Variants in FAM13A observed in about 807,000 individuals in gnomAD.
FAM13A encodes the protein family with sequence similarity 13 member A.
Under a neutral mutation model 129.6 loss-of-function variants are expected in FAM13A, and 76 were observed. The observed-to-expected ratio is 0.59, with a 90% CI of 0.49 to 0.71. The LOEUF (loss-of-function observed/expected upper bound fraction) is 0.71. Ranked by LOEUF, FAM13A falls within the 30% of genes least tolerant of loss-of-function variation. FAM13A has a pLI of 0.00. For synonymous variants in FAM13A, 443 were observed against 449.9 expected (o/e 0.98, Z 0.20); for missense variants, 1,108 against 1,249.3 (o/e 0.89, Z 1.70).
chr4:88,777,784 T>G (rs1266833229), intron 11 of FAM13A, among the ~76,000 whole-genome samples: 1 of 152,194 alleles, frequency 6.6e-6, no homozygotes, highest in Non-Finnish European at 1.5e-5. Flanking sequence ...CATCTTCTCC[T>G]GAAAATGGCT....
intron 11 of FAM13A, among the ~76,000 whole-genome samples, chr4:88,771,862 C>T (rs1329695592): frequency 6.6e-6 from 1 of 152,094 alleles, no homozygotes; most frequent in African/African-American, 2.4e-5. Flanking sequence ...GTCAGAGGAA[C>T]TAAATTTTAA....
At chr4:88,732,314 C>A in intron 21 of FAM13A, 116 bp from the exon 22 acceptor site, 1 of 690,646 alleles carries the variant, frequency 1.4e-6, no homozygotes. Context: ...TCTTCTGTAT[C>A]TACATTTAGC....
intron 7 of FAM13A, among the ~76,000 whole-genome samples, chr4:88,839,162 C>A (rs952053570): frequency 6.6e-6 from 1 of 152,096 alleles, no homozygotes; most frequent in Non-Finnish European, 1.5e-5. Flanking sequence ...CACTTAGAAA[C>A]TCCTTTCCAG....
chr4:89,046,402 A>G (rs1381208987), intron 1 of FAM13A, among the ~76,000 whole-genome samples: 2 of 152,332 alleles, frequency 1.3e-5, no homozygotes, highest in Non-Finnish European at 2.9e-5. Flanking sequence ...ACATGGAGAC[A>G]CGTTTTAAGA....
intron 6 of FAM13A, among the ~76,000 whole-genome samples, chr4:88,854,356 T>C (rs1738129622): frequency 6.6e-6 from 1 of 152,170 alleles, no homozygotes; most frequent in African/African-American, 2.4e-5. Context: ...CCAACAGCCT[T>C]ACCGTAATAA....
At chr4:88,825,836 AAAATT>A (rs976703278) in intron 7 of FAM13A, among the ~76,000 whole-genome samples, 3 of 152,178 alleles carry the variant, frequency 2.0e-5, no homozygotes, top group African/African-American at 7.2e-5. Context: ...TTTTTTTAAA[AAAATT>A]AATTAATGCT....
intron 8 of FAM13A, among the ~76,000 whole-genome samples, chr4:88,791,756 T>G (rs1004730089): frequency 2.0e-5 from 3 of 152,128 alleles, no homozygotes; most frequent in African/African-American, 2.4e-5. Flanking sequence ...AATATGTTGC[T>G]TGGGAATCAT....
chr4:88,949,288 G>C (rs968089662), intron 4 of FAM13A, among the ~76,000 whole-genome samples: 7 of 152,130 alleles, frequency 4.6e-5, no homozygotes, highest in Admixed American at 4.6e-4. Context: ...TACAACGATT[G>C]TTCACCCAAG....
chr4:88,973,052 A>G (rs1760350324), intron 4 of FAM13A, among the ~76,000 whole-genome samples: 1 of 151,954 alleles, frequency 6.6e-6, no homozygotes, highest in Non-Finnish European at 1.5e-5. Context: ...TTGCTCCTCT[A>G]TAGGTAAAGT....
intron 6 of FAM13A, among the ~76,000 whole-genome samples, chr4:88,864,378 G>T (rs1231874438): frequency 1.3e-5 from 2 of 152,138 alleles, no homozygotes; most frequent in Non-Finnish European, 2.9e-5. Context: ...AAATCAAGAT[G>T]ATTGCTAGCA....
chr4:88,891,402 A>G (rs916870361), intron 6 of FAM13A, among the ~76,000 whole-genome samples: 2 of 152,190 alleles, frequency 1.3e-5, no homozygotes, highest in African/African-American at 4.8e-5. Flanking sequence ...CCTGGGTGAG[A>G]CAGAGAGAAC....
intron 6 of FAM13A, 37 bp from the exon 7 acceptor site, chr4:88,851,220 G>GAT: frequency 9.4e-6 from 14 of 1,488,954 alleles, no homozygotes; most frequent in Non-Finnish European, 1.3e-5. Flanking sequence ...GGGAGAGCTA[G>GAT]ATAAATGTTA....
At chr4:88,790,505 T>G in intron 9 of FAM13A, 81 bp downstream of exon 9, 1 of 1,176,584 alleles carries the variant, frequency 8.5e-7, no homozygotes, top group Non-Finnish European at 1.2e-6. Flanking sequence ...TTAGAGTTGC[T>G]TTTTTTTTCT....
At chr4:89,049,227 C>T (rs1771239806) in intron 1 of FAM13A, among the ~76,000 whole-genome samples, 1 of 151,702 alleles carries the variant, frequency 6.6e-6, no homozygotes, top group Non-Finnish European at 1.5e-5. Context: ...CTCACTACTG[C>T]ACTCCAGCCT....
intron 4 of FAM13A, among the ~76,000 whole-genome samples, chr4:88,963,472 A>G (rs1560559671): frequency 6.6e-6 from 1 of 151,942 alleles, no homozygotes; most frequent in East Asian, 1.9e-4. Context: ...GAATTTTTGT[A>G]TTTTTATTAG....
chr4:88,864,118 C>T (rs537246079), intron 6 of FAM13A, among the ~76,000 whole-genome samples: 2 of 152,286 alleles, frequency 1.3e-5, no homozygotes, highest in African/African-American at 4.8e-5. Flanking sequence ...AGATATGTGA[C>T]ACCTTACAAC....
intron 7 of FAM13A, among the ~76,000 whole-genome samples, chr4:88,817,358 T>A (rs1730959677): frequency 6.6e-6 from 1 of 151,230 alleles, no homozygotes. Flanking sequence ...AGGTCAGGAG[T>A]TTGAGACTAG....
intron 3 of FAM13A, among the ~76,000 whole-genome samples, chr4:89,014,997 A>C (rs891974774): frequency 2.6e-5 from 4 of 152,196 alleles, no homozygotes; most frequent in Non-Finnish European, 5.9e-5. Flanking sequence ...AGCAAGGAAC[A>C]GCCCTGAGAA....
chr4:88,785,362 CT>C lies in FAM13A; in HGVS notation c.1271+2390del, dbSNP rs57688207. Among the ~76,000 whole-genome samples the C allele has an allele frequency of 5.0e-4, 76 of 152,126 alleles. No homozygotes were observed. The East Asian group carries it at 0.014, about 28-fold the overall frequency. ...TGAATCAATTGTATAGAAGCATATA[CT>C]ATGACGAACTCTTGACTGTAGGCTA... On this transcript the variant is annotated intron_variant, in intron 10 of 23. Transcript: ENST00000264344.
Sources: gnomAD v4.1 joint callset for allele counts (sites outside exome capture counted in the v4.1 genomes callset) on GRCh38, gnomAD v4.1.1 for gene constraint, MANE v1.5 for transcripts, NCBI Gene and HGNC (gene_info 2026-07-23, HGNC 2026-07-21) for gene names.